Variants in RAD51B observed in about 807,000 individuals in gnomAD.
RAD51B encodes the protein DNA repair protein RAD51 homolog 2.
Under a neutral mutation model 42.2 loss-of-function variants are expected in RAD51B, and 38 were observed. The ratio of observed to expected loss-of-function variants is 0.90; its 90% CI spans 0.70 to 1.18. The LOEUF is 1.18. Ranked by LOEUF, RAD51B falls within the 50% of genes most tolerant of loss-of-function variation. The probability of loss-of-function intolerance (pLI) is 0.00; values close to 1 mark genes in which losing one functional copy is unlikely to be tolerated. For missense variants in RAD51B, 373 were observed against 400.7 expected (o/e 0.93, Z 0.59); for synonymous variants, 154 against 145.2 (o/e 1.06, Z -0.43).
At chr14:68,000,973 C>G (rs1474388909) in intron 7 of RAD51B, among the ~76,000 whole-genome samples, 1 of 152,022 alleles carries the variant, frequency 6.6e-6, no homozygotes. Flanking sequence ...AATATTGAAT[C>G]TTTTCATTTA....
chr14:68,363,226 A>G (rs1159256557), intron 8 of RAD51B, among the ~76,000 whole-genome samples: 3 of 152,244 alleles, frequency 2.0e-5, no homozygotes. Flanking sequence ...TCCTTGTTTT[A>G]TAGAAGCCAA....
chr14:68,363,093 T>C (rs903622394), intron 8 of RAD51B, among the ~76,000 whole-genome samples: 9 of 152,192 alleles, frequency 5.9e-5, no homozygotes, highest in Non-Finnish European at 1.0e-4. Flanking sequence ...TACTTCCCAA[T>C]TGCAAACTTG....
intron 9 of RAD51B, among the ~76,000 whole-genome samples, chr14:68,464,591 C>A (rs193227590): frequency 6.6e-6 from 1 of 152,258 alleles, no homozygotes; most frequent in Non-Finnish European, 1.5e-5. Context: ...AGGTTGCTGC[C>A]CCTCACCAGG....
At chr14:67,941,173 T>G (rs2045193987) in intron 7 of RAD51B, among the ~76,000 whole-genome samples, 1 of 152,180 alleles carries the variant, frequency 6.6e-6, no homozygotes, top group South Asian at 2.1e-4. Context: ...GGGAATTCTG[T>G]GTGAGGCAAA....
chr14:68,359,270 G>A (rs1052262024), intron 8 of RAD51B, among the ~76,000 whole-genome samples: 1 of 152,076 alleles, frequency 6.6e-6, no homozygotes, highest in African/African-American at 2.4e-5. Context: ...AAGACATAAA[G>A]CACACCTTGC....
rs565325533 is a variant in RAD51B at position 68,070,413 on chromosome 14, T to C, written c.756+183209T>C. ...CTTTTAGGGTCTTTATACTTTTAGG[T>C]TTTACATTTAAGTCTTTAATCCATC... On this transcript the variant is annotated intron_variant, in intron 7 of 10. Transcript: ENST00000471583. Among the ~76,000 whole-genome samples the C allele has an allele frequency of 4.6e-5, 7 of 152,264 alleles. No individual in the cohort carries two copies. The South Asian group carries it at 1.4e-3, about 32-fold the overall frequency.
chr14:68,618,624 C>G (rs962162458), intron 10 of RAD51B, among the ~76,000 whole-genome samples: 4 of 152,184 alleles, frequency 2.6e-5, no homozygotes, highest in Admixed American at 2.6e-4. Context: ...AGAATTCTAA[C>G]TGATACTACA....
intron 7 of RAD51B, among the ~76,000 whole-genome samples, chr14:68,225,761 T>C (rs1288046486): frequency 6.6e-6 from 1 of 152,180 alleles, no homozygotes; most frequent in East Asian, 1.9e-4. Flanking sequence ...TTTATGTACA[T>C]AGAGAAGCTT....
At chr14:67,893,671 A>T (rs1320131331) in intron 7 of RAD51B, among the ~76,000 whole-genome samples, 1 of 151,968 alleles carries the variant, frequency 6.6e-6, no homozygotes, top group East Asian at 1.9e-4. Context: ...ACCCTGTCTC[A>T]AAATAAATAA....
intron 7 of RAD51B, among the ~76,000 whole-genome samples, chr14:67,940,055 T>TATATATATAGATATA (rs1342389102): frequency 1.1e-4 from 1 of 8,724 alleles, no homozygotes; most frequent in African/African-American, 5.1e-4. Context: ...TATATATATA[T>TATATATATAGATATA]TTTTTTTTTT....
intron 8 of RAD51B, among the ~76,000 whole-genome samples, chr14:68,333,506 C>T (rs573054125): frequency 6.6e-6 from 1 of 152,308 alleles, no homozygotes; most frequent in East Asian, 1.9e-4. Flanking sequence ...TGTGAACAGG[C>T]ACAAGCACTG....
Position 68,422,234 on chromosome 14 carries a change from G to A in RAD51B, c.957+10707G>A, listed in dbSNP as rs375565786. On this transcript the variant is annotated intron_variant, in intron 9 of 10. Coordinates refer to ENST00000471583, the MANE Select transcript of RAD51B (RefSeq NM_133510.4). ...ACGGTTTTCCTCAGCGGTGGCGTCCGCAGAGCACCCAAATTCTTAATAGCT... is the reference window on the plus strand; with the variant it reads ...ACGGTTTTCCTCAGCGGTGGCGTCCACAGAGCACCCAAATTCTTAATAGCT... 1.0e-4 allele frequency: 90 copies of A among 879,070 alleles called. No individual in the cohort carries two copies. The East Asian group carries it at 1.4e-3, about 14-fold the overall frequency. The allele number at this position is 879,070 out of a possible 1,614,324, so 54.5% of individuals were successfully genotyped here.
intron 7 of RAD51B, among the ~76,000 whole-genome samples, chr14:68,155,235 A>G: frequency 6.6e-6 from 1 of 150,416 alleles, no homozygotes; most frequent in African/African-American, 2.5e-5. Context: ...TCTATTGCCC[A>G]GGCTGGAGTG....
At chr14:68,204,888 T>C (rs12588124) in intron 7 of RAD51B, among the ~76,000 whole-genome samples, 68,981 of 152,066 alleles carry the variant, frequency 0.45, 18,831 homozygotes, top group Non-Finnish European at 0.63. Flanking sequence ...AATCATATTG[T>C]ATAAAAATAT....
chr14:68,446,744 AAGG>A (rs1273414343), intron 9 of RAD51B, among the ~76,000 whole-genome samples: 1 of 152,160 alleles, frequency 6.6e-6, no homozygotes, highest in Non-Finnish European at 1.5e-5. Flanking sequence ...TTCCAGGTGG[AAGG>A]AGGAATTGAA....
chr14:67,932,693 G>A (rs1390981427), intron 7 of RAD51B, among the ~76,000 whole-genome samples: 1 of 152,118 alleles, frequency 6.6e-6, no homozygotes, highest in East Asian at 1.9e-4. Context: ...TAATGTTGAT[G>A]GTGGCTGTGA....
At chr14:68,137,374 T>A (rs2078032915) in intron 7 of RAD51B, among the ~76,000 whole-genome samples, 1 of 152,212 alleles carries the variant, frequency 6.6e-6, no homozygotes, top group African/African-American at 2.4e-5. Flanking sequence ...TACTACAGAT[T>A]TAAGTTACAT....
intron 10 of RAD51B, among the ~76,000 whole-genome samples, chr14:68,552,176 C>T (rs560436944): frequency 2.0e-5 from 3 of 152,316 alleles, no homozygotes; most frequent in Non-Finnish European, 2.9e-5. Flanking sequence ...TGCTCGAAAC[C>T]GCTGTCCCCA....
At chr14:68,351,635 G>A (rs1243207394) in intron 8 of RAD51B, among the ~76,000 whole-genome samples, 2 of 152,182 alleles carry the variant, frequency 1.3e-5, no homozygotes, top group African/African-American at 4.8e-5. Flanking sequence ...CCTGCCACCT[G>A]AAGAGAGAGG....
Sources: gnomAD v4.1 joint callset for allele counts (sites outside exome capture counted in the v4.1 genomes callset) on GRCh38, gnomAD v4.1.1 for gene constraint, MANE v1.5 for transcripts, NCBI Gene and HGNC (gene_info 2026-07-23, HGNC 2026-07-21) for gene names.